Variants in NHERF1 observed in about 807,000 individuals in gnomAD.
NHERF1 encodes NHERF family PDZ scaffold protein 1.
At chr17:74,768,442 C>T in the NHERF1 span, 1 of 1,613,360 alleles carries the variant, frequency 6.2e-7, no homozygotes, top group Non-Finnish European at 8.5e-7. Context: ...TGACTCCCAA[C>T]TTCCTGCCCC....
the NHERF1 span, among the ~76,000 whole-genome samples, chr17:74,750,721 T>G: frequency 6.7e-6 from 1 of 149,194 alleles, no homozygotes; most frequent in Non-Finnish European, 1.5e-5. Context: ...GATTTGACAT[T>G]CTTTTTTTTT....
At chr17:74,756,232 A>G in the NHERF1 span, among the ~76,000 whole-genome samples, 1 of 146,738 alleles carries the variant, frequency 6.8e-6, no homozygotes, top group African/African-American at 2.5e-5. Context: ...TACAGGCATG[A>G]GCCACCACAC....
the NHERF1 span, among the ~76,000 whole-genome samples, chr17:74,753,624 T>C: frequency 2.0e-5 from 3 of 152,204 alleles, no homozygotes; most frequent in South Asian, 6.2e-4. Context: ...CGCAGTGACT[T>C]GTGCCTGTAA....
At chr17:74,766,949 G>A in the NHERF1 span, 3 of 1,613,976 alleles carry the variant, frequency 1.9e-6, no homozygotes, top group East Asian at 2.2e-5. Context: ...CCCTGCCTGT[G>A]CCCTTCACCA....
At chr17:74,749,396 T>C in the NHERF1 span, 1 of 1,115,774 alleles carries the variant, frequency 9.0e-7, no homozygotes, top group Non-Finnish European at 1.2e-6. This position sits in a 1 kb window ranked among gnomAD's most constrained non-coding sequence, Gnocchi z 5.6. Context: ...TTTCTGAAAC[T>C]CGAGCTGCGA....
the NHERF1 span, chr17:74,748,893 G>A: frequency 6.3e-7 from 1 of 1,598,746 alleles, no homozygotes; most frequent in Non-Finnish European, 8.5e-7. This position sits in a 1 kb window ranked among gnomAD's most constrained non-coding sequence, Gnocchi z 4.3. Flanking sequence ...CGGCTCTGCT[G>A]CCTGGAGAAG....
the NHERF1 span, among the ~76,000 whole-genome samples, chr17:74,758,741 C>T: frequency 2.5e-4 from 38 of 152,302 alleles, no homozygotes; most frequent in African/African-American, 7.7e-4. The surrounding 1 kb of genome is among the most constrained non-coding windows in gnomAD (Gnocchi z 4.3). Flanking sequence ...CCATTTATCC[C>T]CTTTCCCCAG....
the NHERF1 span, among the ~76,000 whole-genome samples, chr17:74,756,577 C>T: frequency 6.6e-6 from 1 of 152,148 alleles, no homozygotes; most frequent in African/African-American, 2.4e-5. Flanking sequence ...CTGCACCCGG[C>T]CTATTTTTCC....
At chr17:74,768,839 G>A in the NHERF1 span, 23 of 612,590 alleles carry the variant, frequency 3.8e-5, no homozygotes, top group South Asian at 2.0e-4. Flanking sequence ...ATGTGTTCCC[G>A]TCCTCCCGCA....
At chr17:74,765,148 G>A in the NHERF1 span, among the ~76,000 whole-genome samples, 21 of 152,166 alleles carry the variant, frequency 1.4e-4, no homozygotes, top group South Asian at 4.1e-3. Context: ...ACCCCTCCAG[G>A]TTTCCCACTG....
At chr17:74,753,760 T>C in the NHERF1 span, among the ~76,000 whole-genome samples, 1 of 151,194 alleles carries the variant, frequency 6.6e-6, no homozygotes, top group Admixed American at 6.6e-5. Context: ...AATGGGGGCT[T>C]CCTTCTCAAG....
At chr17:74,760,954 C>A in the NHERF1 span, among the ~76,000 whole-genome samples, 2 of 152,206 alleles carry the variant, frequency 1.3e-5, no homozygotes, top group Admixed American at 1.3e-4. This position sits in a 1 kb window ranked among gnomAD's most constrained non-coding sequence, Gnocchi z 4.5. Context: ...GCAGGCTGGA[C>A]AGCAGCCAGT....
At chr17:74,765,697 G>A in the NHERF1 span, among the ~76,000 whole-genome samples, 8 of 151,672 alleles carry the variant, frequency 5.3e-5, no homozygotes, top group East Asian at 1.9e-4. Flanking sequence ...GATTACAGGC[G>A]CCTGCCACCA....
the NHERF1 span, chr17:74,763,493 G>C: frequency 3.1e-6 from 5 of 1,606,066 alleles, no homozygotes; most frequent in East Asian, 1.1e-4. Flanking sequence ...GAAATGCAGA[G>C]TGATCCCATC....
At chr17:74,751,968 G>A in the NHERF1 span, among the ~76,000 whole-genome samples, 4 of 152,330 alleles carry the variant, frequency 2.6e-5, no homozygotes, top group Admixed American at 2.6e-4. This position sits in a 1 kb window ranked among gnomAD's most constrained non-coding sequence, Gnocchi z 4.3. Flanking sequence ...ACTGAGTCCA[G>A]GCTCAGCCAG....
At chr17:74,749,322 A>T in the NHERF1 span, 5 of 1,507,534 alleles carry the variant, frequency 3.3e-6, no homozygotes, top group Non-Finnish European at 4.4e-6. This position sits in a 1 kb window ranked among gnomAD's most constrained non-coding sequence, Gnocchi z 5.6. Flanking sequence ...GCTGGCATGG[A>T]GTGGGAGGAG....
At chr17:74,753,060 A>G in the NHERF1 span, among the ~76,000 whole-genome samples, 9 of 152,162 alleles carry the variant, frequency 5.9e-5, no homozygotes, top group South Asian at 2.1e-4. Flanking sequence ...AGCAGCTTCT[A>G]TTTGAAAACT....
At chr17:74,754,804 C>T in the NHERF1 span, among the ~76,000 whole-genome samples, 1 of 152,188 alleles carries the variant, frequency 6.6e-6, no homozygotes, top group African/African-American at 2.4e-5. Flanking sequence ...GTCCCCCAGA[C>T]AAATTAGCTA....
At chr17:74,762,142 C>CA in the NHERF1 span, 1 of 1,614,154 alleles carries the variant, frequency 6.2e-7, no homozygotes, top group South Asian at 1.1e-5. The surrounding 1 kb of genome is among the most constrained non-coding windows in gnomAD (Gnocchi z 4.2). Flanking sequence ...GCTGAGGCTT[C>CA]AGGGCTCCGG....
Sources: allele counts gnomAD v4.1 joint callset (sites outside exome capture counted in the v4.1 genomes callset), GRCh38; gene constraint gnomAD v4.1.1; non-coding constraint Gnocchi (gnomAD v3.1); transcripts MANE v1.5; gene names NCBI Gene and HGNC (gene_info 2026-07-23, HGNC 2026-07-21).